Variants in GABRA3 observed in about 807,000 individuals in gnomAD.
GABRA3 encodes the protein gamma-aminobutyric acid type A receptor subunit alpha3.
In GABRA3, 10 loss-of-function variants were observed where a neutral mutation model predicts 30.1. That is an observed-to-expected ratio of 0.33 (90% CI 0.20 to 0.56). GABRA3 has a LOEUF of 0.56. Ranked by LOEUF, GABRA3 falls within the 20% of genes least tolerant of loss-of-function variation. The pLI is 0.89. For synonymous variants in GABRA3, 151 were observed against 146.8 expected (o/e 1.03, Z -0.21); for missense variants, 233 against 392.0 (o/e 0.59, Z 3.42).
chrX:152,270,645 A>G (rs1938915185), intron 4 of GABRA3, among the ~76,000 whole-genome samples: 1 of 110,905 alleles, frequency 9.0e-6, no homozygotes, highest in Non-Finnish European at 1.9e-5. Context: ...ACTTGAGGTC[A>G]GGAGTTCAAG....
At chrX:152,264,047 A>G (rs1938778099) in intron 4 of GABRA3, among the ~76,000 whole-genome samples, 1 of 111,918 alleles carries the variant, frequency 8.9e-6, no homozygotes, top group South Asian at 3.7e-4. Flanking sequence ...GAGGGATTTC[A>G]TCACAACCAG....
Position 152,208,293 on chromosome X carries a change from G to GTCCATCCA in GABRA3, c.635-157_635-150dup, listed in dbSNP as rs765316532. The GTCCATCCA allele has an allele frequency of 7.6e-6, 4 of 525,188 alleles. No homozygotes were observed. The South Asian group carries it at 1.3e-4, about 17-fold the overall frequency. The allele number at this position is 525,188 out of a possible 1,213,427, so 43.3% of individuals were successfully genotyped here. Reference sequence around the variant, plus strand: ...GTCTTCAACTGAAGTCCATCCATCCGTCCATCCATCCATCCATCCATACAA... The same window carrying GTCCATCCA: ...GTCTTCAACTGAAGTCCATCCATCCGTCCATCCATCCATCCATCCATCCATCCATACAA... On this transcript the variant is annotated intron_variant, in intron 6 of 9. Coordinates refer to ENST00000370314, the MANE Select transcript of GABRA3 (RefSeq NM_000808.4).
chrX:152,447,262 G>A (rs1931110923), intron 1 of GABRA3, among the ~76,000 whole-genome samples: 1 of 110,989 alleles, frequency 9.0e-6, no homozygotes, highest in Non-Finnish European at 1.9e-5. Context: ...CAGTTATCCT[G>A]CTCAAAGCCC....
At chrX:152,321,193 C>T (rs1289303595) in intron 3 of GABRA3, among the ~76,000 whole-genome samples, 2 of 111,055 alleles carry the variant, frequency 1.8e-5, no homozygotes, top group African/African-American at 6.5e-5. Flanking sequence ...CAAGCAGGGC[C>T]TCACATACGG....
rs191818790 is a variant in GABRA3 at position 152,342,547 on chromosome X, G to A, written c.262+3034C>T. Among the ~76,000 whole-genome samples, 600 of 110,671 alleles carry A rather than the reference G, an allele frequency of 5.4e-3. 2 individuals carry two copies. The highest frequency in any genetic ancestry group is 0.025 in the South Asian group (66 of 2,610). ...TTATTAGCGTTTCTGTCCTTTTTGG[G>A]TTGTAGTTTCTTGTTTCCTTGCATG... On this transcript the variant is annotated intron_variant, in intron 3 of 9. Coordinates refer to ENST00000370314, the MANE Select transcript of GABRA3 (RefSeq NM_000808.4).
chrX:152,378,232 A>G (rs1015030171), intron 1 of GABRA3, among the ~76,000 whole-genome samples: 14 of 112,033 alleles, frequency 1.2e-4, no homozygotes, highest in Non-Finnish European at 2.6e-4. Flanking sequence ...CGAGGAATCT[A>G]GGCACAATGA....
intron 9 of GABRA3, 94 bp from the exon 10 acceptor site, chrX:152,168,657 G>A (rs1033684062): frequency 4.5e-6 from 3 of 670,911 alleles, no homozygotes; most frequent in Admixed American, 3.1e-5. Flanking sequence ...CAGGGAGGAG[G>A]AGCCATGAGG....
chrX:152,368,736 C>G (rs1408033574), intron 1 of GABRA3, among the ~76,000 whole-genome samples: 6 of 87,980 alleles, frequency 6.8e-5, no homozygotes, highest in Non-Finnish European at 1.1e-4. Flanking sequence ...GACAGAGTCT[C>G]GCTCTGTCGC....
intron 2 of GABRA3, among the ~76,000 whole-genome samples, chrX:152,359,736 A>G (rs1462490735): frequency 9.0e-6 from 1 of 110,971 alleles, no homozygotes; most frequent in Non-Finnish European, 1.9e-5. Flanking sequence ...TGTCCCAGAG[A>G]TTCTGGTATT....
chrX:152,279,365 G>A (rs1939154361), intron 4 of GABRA3, among the ~76,000 whole-genome samples: 1 of 111,584 alleles, frequency 9.0e-6, no homozygotes, highest in Admixed American at 9.6e-5. Flanking sequence ...TATTAAATAG[G>A]GAATCCTTTC....
At chrX:152,405,983 T>A (rs921446215) in intron 1 of GABRA3, among the ~76,000 whole-genome samples, 1 of 110,724 alleles carries the variant, frequency 9.0e-6, no homozygotes, top group Non-Finnish European at 1.9e-5. Context: ...TTCTAATTAA[T>A]GGAAAGAGAG....
chrX:152,341,324 G>A, intron 3 of GABRA3, among the ~76,000 whole-genome samples: 1 of 110,309 alleles, frequency 9.1e-6, no homozygotes, highest in Non-Finnish European at 1.9e-5. Context: ...TTGTGAATTG[G>A]GCTGCAACAA....
intron 3 of GABRA3, among the ~76,000 whole-genome samples, chrX:152,298,588 T>C (rs1358592254): frequency 4.7e-4 from 52 of 110,972 alleles, no homozygotes; most frequent in African/African-American, 1.7e-3. Context: ...TGTTCCATGG[T>C]GTATATGTGC....
At chrX:152,432,837 AG>A (rs770383287) in intron 1 of GABRA3, among the ~76,000 whole-genome samples, 45 of 111,469 alleles carry the variant, frequency 4.0e-4, no homozygotes, top group Middle Eastern at 4.8e-3. Flanking sequence ...ACCTAGATAC[AG>A]TTTTTTAAAG....
At chrX:152,254,863 G>A (rs975175730) in intron 5 of GABRA3, among the ~76,000 whole-genome samples, 1 of 111,800 alleles carries the variant, frequency 8.9e-6, no homozygotes, top group Non-Finnish European at 1.9e-5. Flanking sequence ...GGAAGCTTCA[G>A]GAAGTGACAA....
At chrX:152,316,064 C>T (rs991014390) in intron 3 of GABRA3, among the ~76,000 whole-genome samples, 3 of 97,429 alleles carry the variant, frequency 3.1e-5, no homozygotes, top group Non-Finnish European at 4.0e-5. Context: ...CCAACCAGCA[C>T]AAAATTAGTG....
chrX:152,268,308 T>C (rs770555505), intron 4 of GABRA3, among the ~76,000 whole-genome samples: 52 of 112,011 alleles, frequency 4.6e-4, no homozygotes, highest in African/African-American at 1.6e-3. Flanking sequence ...TAGAAGGTAA[T>C]TGAATCATGG....
chrX:152,438,925 T>C (rs1429467155), intron 1 of GABRA3, among the ~76,000 whole-genome samples: 1 of 110,358 alleles, frequency 9.1e-6, no homozygotes, highest in Non-Finnish European at 1.9e-5. Context: ...TCAAAATTCA[T>C]AGAACTGTAG....
At chrX:152,330,953 A>G (rs188408623) in intron 3 of GABRA3, among the ~76,000 whole-genome samples, 2 of 111,519 alleles carry the variant, frequency 1.8e-5, no homozygotes, top group Admixed American at 1.9e-4. Context: ...TAAGCTACCT[A>G]AACATTTGAC....
Sources: allele counts gnomAD v4.1 joint callset (sites outside exome capture counted in the v4.1 genomes callset), GRCh38; gene constraint gnomAD v4.1.1; transcripts MANE v1.5; gene names NCBI Gene and HGNC (gene_info 2026-07-23, HGNC 2026-07-21).